The following TMEM132B variants were observed in gnomAD, a reference collection of about 807,000 sequenced individuals.
TMEM132B encodes transmembrane protein 132B.
TMEM132B carries 18 observed loss-of-function variants against 90.8 expected under a neutral mutation model. The ratio of observed to expected loss-of-function variants is 0.20; its 90% CI spans 0.14 to 0.29. The LOEUF (loss-of-function observed/expected upper bound fraction) is 0.29, where lower values mean the gene tolerates loss of function less well. TMEM132B is among the 10% of genes least tolerant of loss of function. TMEM132B has a pLI of 1.00. For synonymous variants in TMEM132B, 504 were observed against 523.3 expected, an observed-to-expected ratio of 0.96 and a Z score of 0.50; for missense variants, 1,096 against 1,326.8, an observed-to-expected ratio of 0.83 and a Z score of 2.70.
At chr12:125,457,395 T>C (rs1180682052) in intron 3 of TMEM132B, among the ~76,000 whole-genome samples, 1 of 152,216 alleles carries the variant, frequency 6.6e-6, no homozygotes, top group East Asian at 1.9e-4. Context: ...AGAGTTGGAA[T>C]TGGGATCTGC....
intron 1 of TMEM132B, among the ~76,000 whole-genome samples, chr12:125,262,365 A>C (rs1874587811): frequency 6.6e-6 from 1 of 152,168 alleles, no homozygotes. Context: ...GTTTTGCTTA[A>C]GAAGTGTCTG....
chr12:125,630,863 A>G (rs746599569), intron 5 of TMEM132B, among the ~76,000 whole-genome samples: 50 of 152,094 alleles, frequency 3.3e-4, no homozygotes, highest in African/African-American at 1.4e-4. Flanking sequence ...TTCCTGCGTT[A>G]GTTTGGTAAG....
chr12:125,256,146 G>A (rs1188929864), intron 1 of TMEM132B, among the ~76,000 whole-genome samples: 3 of 152,152 alleles, frequency 2.0e-5, no homozygotes, highest in Non-Finnish European at 4.4e-5. Flanking sequence ...AGCTTCTGCT[G>A]GAAAGAGACA....
At position 125,415,510 on chromosome 12, in the gene TMEM132B, C is replaced by T. The variant is rs1472239582; in HGVS notation, c.960-21C>T. 6.2e-7 allele frequency: 1 copy of T among 1,613,546 alleles called. No homozygotes were observed. The highest frequency in any genetic ancestry group is 8.5e-7 in the Non-Finnish European group (1 of 1,179,804). ...AAAATGGTTTTATTATATATAATAT[C>T]ATTGTTTTCCCACCCCACAGAATTA... On this transcript the variant is annotated intron_variant, in intron 2 of 8. Transcript: ENST00000682704. This position sits in a 1 kb window ranked among gnomAD's most constrained non-coding sequence, Gnocchi z 5.3.
chr12:125,270,638 C>T (rs2121939), intron 1 of TMEM132B, among the ~76,000 whole-genome samples: 9,382 of 152,196 alleles, frequency 0.062, 1,000 homozygotes, highest in African/African-American at 0.21. Flanking sequence ...TGAAACACAC[C>T]TCAGGACTGT....
At chr12:125,570,015 G>T (rs193020743) in intron 4 of TMEM132B, among the ~76,000 whole-genome samples, 3 of 151,912 alleles carry the variant, frequency 2.0e-5, no homozygotes, top group East Asian at 1.9e-4. Context: ...GATAGTGTTG[G>T]GGGGGAAGGG....
chr12:125,454,537 T>C (rs1004755679), intron 3 of TMEM132B, among the ~76,000 whole-genome samples: 6 of 152,170 alleles, frequency 3.9e-5, no homozygotes, highest in Non-Finnish European at 8.8e-5. Context: ...ATTTAAGGTC[T>C]TCATATAGGC....
At chr12:125,425,491 T>C (rs1880291525) in intron 3 of TMEM132B, among the ~76,000 whole-genome samples, 1 of 152,198 alleles carries the variant, frequency 6.6e-6, no homozygotes, top group Admixed American at 6.5e-5. Flanking sequence ...ATATTGGGGT[T>C]CACTCCTTGT....
At chr12:125,544,331 C>T (rs1484901836) in intron 4 of TMEM132B, among the ~76,000 whole-genome samples, 3 of 152,066 alleles carry the variant, frequency 2.0e-5, no homozygotes, top group African/African-American at 4.8e-5. Context: ...CCCATGTACC[C>T]CGGAACTTAA....
intron 1 of TMEM132B, among the ~76,000 whole-genome samples, chr12:125,230,979 A>C (rs981664005): frequency 2.0e-5 from 3 of 152,156 alleles, no homozygotes; most frequent in Non-Finnish European, 4.4e-5. Flanking sequence ...GCCATATCAA[A>C]TTGCCACAAA....
At chr12:125,546,054 G>A (rs542966252) in intron 4 of TMEM132B, among the ~76,000 whole-genome samples, 3 of 152,142 alleles carry the variant, frequency 2.0e-5, no homozygotes, top group African/African-American at 7.2e-5. Context: ...GAATGCAATT[G>A]TGTAATCACC....
At chr12:125,326,352 C>G (rs932452360) in intron 1 of TMEM132B, among the ~76,000 whole-genome samples, 1 of 152,122 alleles carries the variant, frequency 6.6e-6, no homozygotes, top group African/African-American at 2.4e-5. Flanking sequence ...TACTCTGTTC[C>G]GAAGTGACTG....
At chr12:125,441,037 A>T (rs1203943767) in intron 3 of TMEM132B, among the ~76,000 whole-genome samples, 1 of 152,166 alleles carries the variant, frequency 6.6e-6, no homozygotes, top group Non-Finnish European at 1.5e-5. Flanking sequence ...TGATATCACC[A>T]CTTATTAGCC....
At chr12:125,576,881 C>T (rs924214919) in intron 4 of TMEM132B, among the ~76,000 whole-genome samples, 4 of 150,232 alleles carry the variant, frequency 2.7e-5, no homozygotes, top group African/African-American at 9.8e-5. Context: ...TAGTATTTTG[C>T]GTGTGTGTGT....
intron 2 of TMEM132B, among the ~76,000 whole-genome samples, chr12:125,411,571 C>G (rs905821012): frequency 6.6e-6 from 1 of 152,094 alleles, no homozygotes; most frequent in Non-Finnish European, 1.5e-5. Context: ...GGCCAAACCT[C>G]TAGGGTACGT....
At chr12:125,214,702 A>G (rs965367150) in intron 1 of TMEM132B, among the ~76,000 whole-genome samples, 2 of 152,218 alleles carry the variant, frequency 1.3e-5, no homozygotes, top group Non-Finnish European at 2.9e-5. Context: ...CAAAAAGAAG[A>G]TGAGCTGGAT....
At chr12:125,433,933 T>C (rs911796505) in intron 3 of TMEM132B, among the ~76,000 whole-genome samples, 5 of 152,208 alleles carry the variant, frequency 3.3e-5, no homozygotes, top group African/African-American at 4.8e-5. Context: ...GAGTATTACA[T>C]ATGAGATATT....
At chr12:125,201,792 C>T (rs1374535146) in intron 1 of TMEM132B, among the ~76,000 whole-genome samples, 1 of 152,200 alleles carries the variant, frequency 6.6e-6, no homozygotes, top group African/African-American at 2.4e-5. Context: ...AGCTTGACAT[C>T]ACATCAGTGT....
Position 125,473,810 on chromosome 12 carries a change from A to G in TMEM132B, c.1107-45629A>G, listed in dbSNP as rs563724246. Among the ~76,000 whole-genome samples the G allele has an allele frequency of 3.9e-5, 6 of 152,316 alleles. No individual in the cohort carries two copies. The East Asian group carries it at 1.2e-3, about 29-fold the overall frequency. ...ACACACAATATGGGGTTTATCCAAA[A>G]ACTTCCTGTTGAAGGAGTTTTTTTT... On this transcript the variant is annotated intron_variant, in intron 3 of 8. Transcript: ENST00000682704.
Sources: allele counts gnomAD v4.1 joint callset (sites outside exome capture counted in the v4.1 genomes callset), GRCh38; gene constraint gnomAD v4.1.1; non-coding constraint Gnocchi (gnomAD v3.1); transcripts MANE v1.5; gene names NCBI Gene and HGNC (gene_info 2026-07-23, HGNC 2026-07-21).